Variants in MRPS31 observed in about 807,000 individuals in gnomAD.
The protein encoded by MRPS31 is mitochondrial ribosomal protein S31, also known as small ribosomal subunit protein mS31.
MRPS31 carries 32 observed loss-of-function variants against 43.1 expected under a neutral mutation model. The observed-to-expected ratio is 0.74, with a 90% CI of 0.56 to 1.00. MRPS31 has a LOEUF of 1.00. Ranked by LOEUF, MRPS31 falls within the 50% of genes least tolerant of loss-of-function variation. The pLI, the probability that MRPS31 is intolerant of heterozygous loss-of-function variation, is 0.00. For missense variants in MRPS31, 437 were observed against 466.7 expected, an observed-to-expected ratio of 0.94 and a Z score of 0.59; for synonymous variants, 165 against 161.6, an observed-to-expected ratio of 1.02 and a Z score of -0.16.
intron 3 of MRPS31, among the ~76,000 whole-genome samples, chr13:40,757,440 C>CTTTTTTTT (rs11291870): frequency 1.0e-5 from 1 of 96,932 alleles, no homozygotes; most frequent in Non-Finnish European, 1.9e-5. Flanking sequence ...CTATGTCTTC[C>CTTTTTTTT]TTTTTTTTTT....
chr13:40,765,972 T>C (rs1007891043), intron 2 of MRPS31, among the ~76,000 whole-genome samples: 7 of 152,204 alleles, frequency 4.6e-5, no homozygotes, highest in Admixed American at 3.3e-4. Flanking sequence ...AAAGCACTGA[T>C]AGGTATTGAT....
chr13:40,764,188 T>G (rs1011477562), intron 2 of MRPS31, among the ~76,000 whole-genome samples: 3 of 152,024 alleles, frequency 2.0e-5, no homozygotes, highest in African/African-American at 4.8e-5. Flanking sequence ...GGTGGGGCCG[T>G]GGGATACAGG....
At chr13:40,729,765 G>C (rs543447171) in intron 6 of MRPS31, among the ~76,000 whole-genome samples, 164 bp from the exon 7 acceptor site, 1 of 142,410 alleles carries the variant, frequency 7.0e-6, no homozygotes, top group African/African-American at 2.6e-5. Flanking sequence ...GTCTTGCTCT[G>C]TTGCTCAGGT....
rs200764881 is a variant in MRPS31, at chr13:40,738,966, G to T, written c.959-9365C>A. ...AATTAGGCAGTAGAAAGAAATAAAG[G>T]GTATTCAATTAGGAAAAGAGGAAGT... On this transcript the variant is annotated intron_variant, in intron 6 of 6. Transcript: ENST00000323563. 8.4e-4 allele frequency among the ~76,000 whole-genome samples: 128 copies of T among 152,184 alleles called. 2 individuals are homozygous for T. The East Asian group carries it at 0.018, about 22-fold the overall frequency.
chr13:40,761,456 A>G (rs533622259), intron 2 of MRPS31, among the ~76,000 whole-genome samples: 1 of 152,192 alleles, frequency 6.6e-6, no homozygotes, highest in South Asian at 2.1e-4. Flanking sequence ...ATGAATATTC[A>G]TTTTCTAGAA....
intron 2 of MRPS31, among the ~76,000 whole-genome samples, chr13:40,762,436 C>T (rs1880723629): frequency 6.7e-6 from 1 of 148,214 alleles, no homozygotes; most frequent in Non-Finnish European, 1.5e-5. Flanking sequence ...AAAAATAGCA[C>T]CTCTCCAGCC....
intron 4 of MRPS31, among the ~76,000 whole-genome samples, chr13:40,754,773 A>C (rs1466951558): frequency 6.6e-6 from 1 of 152,236 alleles, no homozygotes; most frequent in East Asian, 1.9e-4. Context: ...TCACGCCTGT[A>C]ATCCCAGCAC....
At chr13:40,747,090 T>G (rs1469902277) in intron 6 of MRPS31, among the ~76,000 whole-genome samples, 1 of 152,080 alleles carries the variant, frequency 6.6e-6, no homozygotes, top group Non-Finnish European at 1.5e-5. Context: ...TTTCTTTCTT[T>G]TTTTTTGAGG....
chr13:40,739,510 G>T (rs1474396819), intron 6 of MRPS31, among the ~76,000 whole-genome samples: 2 of 152,144 alleles, frequency 1.3e-5, no homozygotes, highest in Non-Finnish European at 2.9e-5. Flanking sequence ...AACAAAGCTG[G>T]AGGCATCACA....
At chr13:40,755,960 T>A (rs1467110592) in intron 4 of MRPS31, among the ~76,000 whole-genome samples, 1 of 152,198 alleles carries the variant, frequency 6.6e-6, no homozygotes, top group Admixed American at 6.5e-5. Flanking sequence ...CAATAATATG[T>A]AACAGATGCT....
In MRPS31 at chr13:40,771,091, G is replaced by A. The variant is rs757842607; in HGVS notation, c.46C>T (p.Arg16Cys). Reference sequence around the variant, plus strand: ...GGGCTTCCAGAGGACAAAGGGTGGCGGGAAAGGGGGCGAAGAGGTAGGAAC... The same window carrying A: ...GGGCTTCCAGAGGACAAAGGGTGGCAGGAAAGGGGGCGAAGAGGTAGGAAC... ...STFLPLRPLS[R>C]HPLSSGSPET... The change falls in exon 1 of 7, where the codon CGC becomes TGC. Residue 16 changes from arginine to cysteine, a missense_variant. Transcript: ENST00000323563. The A allele has an allele frequency of 1.1e-5, 17 of 1,613,916 alleles. No homozygotes were observed. The South Asian group carries it at 1.9e-4, about 18-fold the overall frequency.
intron 1 of MRPS31, 93 bp from the exon 2 acceptor site, chr13:40,767,126 T>C: frequency 9.6e-7 from 1 of 1,039,958 alleles, no homozygotes; most frequent in South Asian, 1.9e-5. Context: ...AAACTATGTA[T>C]CTAAGATTTT....
chr13:40,756,571 A>G (rs1311228372), intron 4 of MRPS31, among the ~76,000 whole-genome samples: 2 of 152,140 alleles, frequency 1.3e-5, no homozygotes, highest in Admixed American at 6.6e-5. Flanking sequence ...CAAAATACTT[A>G]TTTGCTCAGA....
intron 6 of MRPS31, among the ~76,000 whole-genome samples, chr13:40,734,213 G>A (rs932953522): frequency 1.3e-5 from 2 of 152,010 alleles, no homozygotes; most frequent in African/African-American, 4.8e-5. Flanking sequence ...CCAAGACAGA[G>A]GAAAGATATT....
rs1439465374 is a variant in MRPS31 at position 40,758,065 on chromosome 13, C to T, written c.599+883G>A. On this transcript the variant is annotated intron_variant, in intron 3 of 6. Coordinates refer to ENST00000323563, the MANE Select transcript of MRPS31 (RefSeq NM_005830.4). ...GGCTGAGGCAGGAGAATGGCGTGAA[C>T]CGGGGAGGCGGAGCCTGCAGTGAGC... Among the ~76,000 whole-genome samples the T allele has an allele frequency of 2.6e-5, 4 of 151,416 alleles. No homozygotes were observed. The South Asian group carries it at 6.3e-4, about 24-fold the overall frequency.
intron 2 of MRPS31, among the ~76,000 whole-genome samples, chr13:40,762,242 A>C (rs1880719533): frequency 6.6e-6 from 1 of 152,208 alleles, no homozygotes; most frequent in Non-Finnish European, 1.5e-5. Flanking sequence ...AAAAAATGAA[A>C]GAAAAGAAAC....
intron 4 of MRPS31, among the ~76,000 whole-genome samples, chr13:40,756,486 C>T (rs1484903528): frequency 4.6e-5 from 7 of 152,218 alleles, no homozygotes; most frequent in African/African-American, 1.2e-4. Context: ...CAGATAAGCA[C>T]GTATTGAGAT....
chr13:40,753,270 A>G (rs912476093), intron 5 of MRPS31, among the ~76,000 whole-genome samples: 9 of 152,212 alleles, frequency 5.9e-5, no homozygotes, highest in African/African-American at 2.2e-4. Flanking sequence ...CACTTCAGTA[A>G]GTTATTTTGT....
intron 3 of MRPS31, among the ~76,000 whole-genome samples, chr13:40,757,439 CCTTTT>C (rs1880560779): frequency 1.5e-5 from 2 of 129,380 alleles, no homozygotes; most frequent in African/African-American, 6.1e-5. Context: ...TCTATGTCTT[CCTTTT>C]TTTTTTTTTT....
Sources: allele counts gnomAD v4.1 joint callset (sites outside exome capture counted in the v4.1 genomes callset), GRCh38; gene constraint gnomAD v4.1.1; transcripts MANE v1.5; gene names NCBI Gene and HGNC (gene_info 2026-07-23, HGNC 2026-07-21).